FGF14: variants seen among roughly 807,000 people sequenced by gnomAD.
FGF14 encodes the protein fibroblast growth factor 14, also known as fibroblast growth factor homologous factor 4.
In FGF14, 5 loss-of-function variants were observed where a neutral mutation model predicts 25.5. The observed-to-expected ratio is 0.20, with a 90% CI of 0.10 to 0.41. The LOEUF is 0.41. Among genes scored for constraint, FGF14 ranks in the 10% least tolerant of loss-of-function variants. The probability of loss-of-function intolerance (pLI) is 1.00; values close to 1 mark genes in which losing one functional copy is unlikely to be tolerated. For synonymous variants in FGF14, 138 were observed against 118.3 expected, an observed-to-expected ratio of 1.17 and a Z score of -1.08; for missense variants, 222 against 320.1, an observed-to-expected ratio of 0.69 and a Z score of 2.34.
chr13:102,279,523 C>T (rs1206969409), intron 1 of FGF14, among the ~76,000 whole-genome samples: 3 of 152,062 alleles, frequency 2.0e-5, no homozygotes, highest in Non-Finnish European at 4.4e-5. Context: ...TTATTTGTGT[C>T]TATTACTTTG....
chr13:102,211,371 T>A (rs542273070), intron 1 of FGF14, among the ~76,000 whole-genome samples: 2 of 152,216 alleles, frequency 1.3e-5, no homozygotes, highest in Non-Finnish European at 2.9e-5. Context: ...ATTTAAAGAA[T>A]GCCTTGCTCT....
chr13:102,234,534 G>C (rs56704652), intron 1 of FGF14, among the ~76,000 whole-genome samples: 4,107 of 152,000 alleles, frequency 0.027, 182 homozygotes, highest in African/African-American at 0.094. Context: ...ACTTAAAAAT[G>C]GTTAAGATGG....
intron 3 of FGF14, among the ~76,000 whole-genome samples, chr13:101,806,938 C>CT (rs1052466495): frequency 6.6e-6 from 1 of 152,054 alleles, no homozygotes; most frequent in Non-Finnish European, 1.5e-5. Flanking sequence ...CTCAGAGTGA[C>CT]TTTTTTTCAT....
chr13:101,726,548 T>G, intron 4 of FGF14, 64 bp downstream of exon 4: 1 of 1,473,788 alleles, frequency 6.8e-7, no homozygotes, highest in Non-Finnish European at 9.5e-7. Flanking sequence ...ATGGTAGACC[T>G]ATCAATTTGA....
At chr13:102,233,823 T>G (rs1170843253) in intron 1 of FGF14, among the ~76,000 whole-genome samples, 2 of 152,202 alleles carry the variant, frequency 1.3e-5, no homozygotes, top group Admixed American at 1.3e-4. Flanking sequence ...AACAATGAGG[T>G]CAGTGAGTAA....
chr13:101,836,762 C>T (rs1000200532), intron 3 of FGF14, among the ~76,000 whole-genome samples: 1 of 151,802 alleles, frequency 6.6e-6, no homozygotes, highest in Admixed American at 6.6e-5. Flanking sequence ...TTTTATTGTC[C>T]TATTGCATTA....
intron 1 of FGF14, among the ~76,000 whole-genome samples, chr13:102,182,958 C>T (rs1206038260): frequency 2.0e-5 from 3 of 152,052 alleles, no homozygotes; most frequent in East Asian, 3.9e-4. Flanking sequence ...ACAGCAAGTG[C>T]ATGTTAAGTA....
intron 1 of FGF14, among the ~76,000 whole-genome samples, chr13:102,097,029 CTTT>C (rs11413699): frequency 6.9e-6 from 1 of 145,864 alleles, no homozygotes; most frequent in South Asian, 2.2e-4. Flanking sequence ...GACTGGAGGA[CTTT>C]TTTTTTTTTT....
chr13:102,175,914 A>G (rs1489945417), intron 1 of FGF14, among the ~76,000 whole-genome samples: 2 of 152,150 alleles, frequency 1.3e-5, no homozygotes, highest in African/African-American at 4.8e-5. Context: ...AGGTCAAAAA[A>G]TAATAGATGT....
intron 3 of FGF14, among the ~76,000 whole-genome samples, chr13:101,758,149 C>T (rs1490455937): frequency 6.6e-6 from 1 of 152,090 alleles, no homozygotes; most frequent in African/African-American, 2.4e-5. Flanking sequence ...GAACACTTAC[C>T]TTGAACTAAG....
chr13:102,288,327 C>G (rs1379204841), intron 1 of FGF14, among the ~76,000 whole-genome samples: 49 of 152,162 alleles, frequency 3.2e-4, no homozygotes, highest in Non-Finnish European at 1.5e-5. Context: ...GTTCAAAGAT[C>G]TAACTTTGTA....
intron 3 of FGF14, among the ~76,000 whole-genome samples, chr13:101,862,448 A>G (rs1315055214): frequency 6.6e-6 from 1 of 152,068 alleles, no homozygotes; most frequent in Non-Finnish European, 1.5e-5. Flanking sequence ...GAATCTGGAT[A>G]GTATCAAAGT....
chr13:101,953,558 A>ATATGTGTGTGTGTG (rs1555326926), intron 1 of FGF14, among the ~76,000 whole-genome samples: 1 of 148,364 alleles, frequency 6.7e-6, no homozygotes, highest in Middle Eastern at 3.6e-3. Context: ...GTATATATAT[A>ATATGTGTGTGTGTG]TGTGTGTGTG....
intron 1 of FGF14, among the ~76,000 whole-genome samples, chr13:102,146,143 A>C (rs2140478961): frequency 6.6e-6 from 1 of 152,324 alleles, no homozygotes; most frequent in South Asian, 2.1e-4. Context: ...CACAATGACT[A>C]TCAGTGTCAG....
intron 3 of FGF14, among the ~76,000 whole-genome samples, chr13:101,782,840 A>G (rs1035107177): frequency 6.6e-6 from 1 of 152,172 alleles, no homozygotes; most frequent in African/African-American, 2.4e-5. Flanking sequence ...ATAGTGCTGC[A>G]ATGAATATAC....
At chr13:102,047,829 T>C (rs1378945916) in intron 1 of FGF14, among the ~76,000 whole-genome samples, 3 of 151,808 alleles carry the variant, frequency 2.0e-5, no homozygotes, top group Non-Finnish European at 2.9e-5. Context: ...TAAAGTATAA[T>C]AAAAAAAATC....
intron 1 of FGF14, among the ~76,000 whole-genome samples, chr13:101,942,466 TTTGTCTTTTTA>T (rs1317488706): frequency 7.9e-5 from 12 of 152,198 alleles, no homozygotes; most frequent in African/African-American, 2.9e-4. Context: ...CTCATTTGAT[TTTGTCTTTTTA>T]ATTTATGGAA....
At chr13:102,001,685 A>T (rs1432435861) in intron 1 of FGF14, among the ~76,000 whole-genome samples, 4 of 152,206 alleles carry the variant, frequency 2.6e-5, no homozygotes, top group Non-Finnish European at 4.4e-5. Flanking sequence ...GGACATCACA[A>T]GTGATGTCCA....
At chr13:102,190,918 C>G (rs2049095442) in intron 1 of FGF14, among the ~76,000 whole-genome samples, 1 of 152,150 alleles carries the variant, frequency 6.6e-6, no homozygotes, top group Admixed American at 6.5e-5. Flanking sequence ...CTCTTCTCAG[C>G]TCCACAATAG....
Sources: gnomAD v4.1 joint callset for allele counts (sites outside exome capture counted in the v4.1 genomes callset) on GRCh38, gnomAD v4.1.1 for gene constraint, MANE v1.5 for transcripts, NCBI Gene and HGNC (gene_info 2026-07-23, HGNC 2026-07-21) for gene names.